GALNT17: variants seen among roughly 807,000 people sequenced by gnomAD.
GALNT17 encodes the protein polypeptide N-acetylgalactosaminyltransferase 17, also known as UDP-GalNAc:polypeptide N-acetylgalactosaminyltransferase-like 3.
A neutral mutation model predicts 63.7 loss-of-function variants in GALNT17; 29 were observed. The ratio of observed to expected loss-of-function variants is 0.46; its 90% confidence interval spans 0.34 to 0.62. The LOEUF is 0.62. Among genes scored for constraint, GALNT17 ranks in the 20% least tolerant of loss-of-function variants. The pLI is 0.01. For missense variants in GALNT17, 603 were observed against 799.6 expected, an observed-to-expected ratio of 0.75 and a Z score of 2.97; for synonymous variants, 305 against 318.3, an observed-to-expected ratio of 0.96 and a Z score of 0.45.
At chr7:71,358,814 C>A (rs1397291255) in intron 2 of GALNT17, among the ~76,000 whole-genome samples, 1 of 151,302 alleles carries the variant, frequency 6.6e-6, no homozygotes, top group Non-Finnish European at 1.5e-5. Context: ...GCTCTTGTTG[C>A]CCAGGCTGGA....
intron 6 of GALNT17, among the ~76,000 whole-genome samples, chr7:71,609,944 T>C (rs1363313800): frequency 6.6e-6 from 1 of 152,066 alleles, no homozygotes; most frequent in Non-Finnish European, 1.5e-5. Flanking sequence ...ATATGATGAG[T>C]GAATGAACAC....
At chr7:71,589,852 A>G (rs1326067017) in intron 6 of GALNT17, among the ~76,000 whole-genome samples, 1 of 152,224 alleles carries the variant, frequency 6.6e-6, no homozygotes, top group African/African-American at 2.4e-5. Flanking sequence ...GAATTTATTC[A>G]TCCATATAAC....
At chr7:71,366,821 A>G (rs1792519778) in intron 2 of GALNT17, among the ~76,000 whole-genome samples, 1 of 152,166 alleles carries the variant, frequency 6.6e-6, no homozygotes, top group African/African-American at 2.4e-5. Context: ...CTGACTCCCT[A>G]GGTAAGACCA....
intron 5 of GALNT17, among the ~76,000 whole-genome samples, chr7:71,529,735 C>T (rs537861042): frequency 6.6e-6 from 1 of 152,286 alleles, no homozygotes; most frequent in South Asian, 2.1e-4. Context: ...ATGCATGCCG[C>T]ATGCCACATG....
chr7:71,337,920 G>A (rs1791939361), intron 2 of GALNT17, among the ~76,000 whole-genome samples: 1 of 152,002 alleles, frequency 6.6e-6, no homozygotes, highest in South Asian at 2.1e-4. Context: ...TTGGGGCTGA[G>A]TATGGTGGCT....
At chr7:71,253,647 T>C (rs1373394560) in intron 1 of GALNT17, among the ~76,000 whole-genome samples, 1 of 152,162 alleles carries the variant, frequency 6.6e-6, no homozygotes, top group Non-Finnish European at 1.5e-5. Flanking sequence ...TCCTTTTTCC[T>C]GAGCACATCC....
At chr7:71,383,845 G>T (rs1792890749) in intron 2 of GALNT17, among the ~76,000 whole-genome samples, 1 of 152,134 alleles carries the variant, frequency 6.6e-6, no homozygotes, top group Admixed American at 6.5e-5. Flanking sequence ...ACATTTTCTT[G>T]ATTCATTTGT....
intron 5 of GALNT17, among the ~76,000 whole-genome samples, chr7:71,458,217 T>C (rs1787388272): frequency 6.6e-6 from 1 of 152,190 alleles, no homozygotes; most frequent in Non-Finnish European, 1.5e-5. Context: ...TTGGTCTTTG[T>C]TTGCTCCAGA....
At chr7:71,575,734 C>T (rs904364302) in intron 6 of GALNT17, among the ~76,000 whole-genome samples, 4 of 151,942 alleles carry the variant, frequency 2.6e-5, no homozygotes, top group African/African-American at 9.7e-5. Flanking sequence ...ATCTTTCTAA[C>T]TAGTCTTTGA....
At chr7:71,190,147 C>T (rs943171719) in intron 1 of GALNT17, among the ~76,000 whole-genome samples, 3 of 152,134 alleles carry the variant, frequency 2.0e-5, no homozygotes, top group South Asian at 2.1e-4. Context: ...CCTAGAGACC[C>T]GGGGCTTGGT....
chr7:71,572,524 A>AAC (rs1325123193), intron 6 of GALNT17, among the ~76,000 whole-genome samples: 2 of 150,162 alleles, frequency 1.3e-5, no homozygotes, highest in Non-Finnish European at 3.0e-5. Context: ...AAAAAAAAAA[A>AAC]AAAAAACTAC....
chr7:71,669,769 G>C (rs1008879516), intron 7 of GALNT17, among the ~76,000 whole-genome samples: 1 of 151,798 alleles, frequency 6.6e-6, no homozygotes, highest in Non-Finnish European at 1.5e-5. Flanking sequence ...CGCCGTGTTG[G>C]CCAGGCTGGT....
At chr7:71,677,663 C>T (rs546810705) in intron 9 of GALNT17, among the ~76,000 whole-genome samples, 2 of 152,072 alleles carry the variant, frequency 1.3e-5, no homozygotes, top group South Asian at 2.1e-4. Flanking sequence ...TACATGCGCC[C>T]GCCACTGCGC....
intron 5 of GALNT17, among the ~76,000 whole-genome samples, chr7:71,534,598 CAAAA>C (rs371592743): frequency 6.5e-4 from 70 of 108,276 alleles, no homozygotes; most frequent in African/African-American, 1.7e-3. Context: ...GACTCCATCT[CAAAA>C]AAAAAAAAAA....
intron 1 of GALNT17, among the ~76,000 whole-genome samples, chr7:71,265,845 C>T (rs1583813040): frequency 2.6e-5 from 4 of 152,296 alleles, no homozygotes; most frequent in Admixed American, 2.6e-4. Context: ...TAGTTTCATG[C>T]TGCTGCTGTA....
chr7:71,693,820 A>T (rs1420841486), intron 9 of GALNT17, among the ~76,000 whole-genome samples: 1 of 26,088 alleles, frequency 3.8e-5, no homozygotes, highest in African/African-American at 6.3e-5. Context: ...AAAAAAAGTT[A>T]AAAAAAAAAA....
intron 1 of GALNT17, among the ~76,000 whole-genome samples, chr7:71,140,659 A>G (rs547019301): frequency 6.6e-6 from 1 of 152,352 alleles, no homozygotes; most frequent in South Asian, 2.1e-4. Flanking sequence ...AAGTTGGAAC[A>G]TGAGCACACC....
intron 6 of GALNT17, among the ~76,000 whole-genome samples, chr7:71,584,656 A>G (rs1394981968): frequency 3.3e-5 from 5 of 152,224 alleles, no homozygotes; most frequent in Non-Finnish European, 7.3e-5. Flanking sequence ...TTTGTTTGAT[A>G]GTCAGCTTAC....
At chr7:71,189,002 G>T (rs1201194663) in intron 1 of GALNT17, among the ~76,000 whole-genome samples, 3 of 152,162 alleles carry the variant, frequency 2.0e-5, no homozygotes, top group Admixed American at 6.6e-5. Flanking sequence ...AAAACAAGAA[G>T]GAGGGGAAGA....
Sources: gnomAD v4.1 joint callset for allele counts (sites outside exome capture counted in the v4.1 genomes callset) on GRCh38, gnomAD v4.1.1 for gene constraint, MANE v1.5 for transcripts, NCBI Gene and HGNC (gene_info 2026-07-23, HGNC 2026-07-21) for gene names.